The following RYR2 variants were observed in gnomAD, a reference collection of about 807,000 sequenced individuals.
RYR2 encodes ryanodine receptor 2.
In RYR2, 227 loss-of-function variants were observed where a neutral mutation model predicts 601.1. The ratio of observed to expected loss-of-function variants is 0.38; its 90% CI spans 0.34 to 0.42. RYR2 has a LOEUF of 0.42. Among genes scored for constraint, RYR2 ranks in the 10% least tolerant of loss-of-function variants. The probability of loss-of-function intolerance (pLI) is 1.00; values close to 1 mark genes in which losing one functional copy is unlikely to be tolerated. For missense variants in RYR2, 4,646 were observed against 6,156.5 expected, an observed-to-expected ratio of 0.75 and a Z score of 8.21; for synonymous variants, 2,223 against 2,175.1, an observed-to-expected ratio of 1.02 and a Z score of -0.61.
intron 17 of RYR2, among the ~76,000 whole-genome samples, chr1:237,476,983 C>T (rs1661478598): frequency 6.6e-6 from 1 of 152,142 alleles, no homozygotes. Flanking sequence ...TTTGCATAGC[C>T]CTTTAGGGTG....
chr1:237,314,709 G>A (rs1003923547), intron 2 of RYR2, among the ~76,000 whole-genome samples: 10 of 152,178 alleles, frequency 6.6e-5, no homozygotes, highest in African/African-American at 9.7e-5. Context: ...CCTGAAGTCC[G>A]TGATATATTA....
At chr1:237,707,490 A>G (rs945848516) in intron 68 of RYR2, among the ~76,000 whole-genome samples, 5 of 152,198 alleles carry the variant, frequency 3.3e-5, no homozygotes, top group African/African-American at 1.2e-4. Context: ...TGACTTGTCA[A>G]TCTCTGTAAG....
chr1:237,287,740 C>T (rs1691720389), intron 2 of RYR2, among the ~76,000 whole-genome samples: 2 of 152,136 alleles, frequency 1.3e-5, no homozygotes, highest in Non-Finnish European at 2.9e-5. Flanking sequence ...TATTTCCTTG[C>T]ACGGGGCTTT....
chr1:237,304,577 T>C (rs892967545), intron 2 of RYR2, among the ~76,000 whole-genome samples: 1 of 152,224 alleles, frequency 6.6e-6, no homozygotes, highest in Non-Finnish European at 1.5e-5. Flanking sequence ...CAAGCTATTA[T>C]GCCATCTTCC....
chr1:237,109,673 T>C (rs1223384914), intron 1 of RYR2, among the ~76,000 whole-genome samples: 1 of 151,740 alleles, frequency 6.6e-6, no homozygotes, highest in Non-Finnish European at 1.5e-5. Context: ...TTAAAAAATA[T>C]TTGCTGACAC....
intron 51 of RYR2, 130 bp from the exon 52 acceptor site, chr1:237,654,144 A>G (rs1268916307): frequency 9.6e-7 from 1 of 1,036,448 alleles, no homozygotes; most frequent in East Asian, 2.5e-5. Context: ...AAGATAATTT[A>G]TATGGGATTG....
chr1:237,628,753 C>T (rs1485712605), intron 41 of RYR2, among the ~76,000 whole-genome samples: 1 of 151,478 alleles, frequency 6.6e-6, no homozygotes, highest in Non-Finnish European at 1.5e-5. Flanking sequence ...ACAGTAAAAA[C>T]ACATTGATCC....
rs116035709 is a variant in RYR2, at chr1:237,159,629, A to G, written c.49-110868A>G. 6.1e-3 allele frequency among the ~76,000 whole-genome samples: 932 copies of G among 152,284 alleles called. 7 individuals carry two copies. The highest frequency in any genetic ancestry group is 0.033 in the South Asian group (158 of 4,820). Reference sequence around the variant, plus strand: ...GAGGATTGCTTGAGCTCAGGAATTCAAGACCAACCTGGACAACAAAGTGTG... The same window carrying G: ...GAGGATTGCTTGAGCTCAGGAATTCGAGACCAACCTGGACAACAAAGTGTG... On this transcript the variant is annotated intron_variant, in intron 1 of 104. Transcript: ENST00000366574.
chr1:237,328,005 C>G (rs1482633478), intron 2 of RYR2, among the ~76,000 whole-genome samples: 2 of 152,182 alleles, frequency 1.3e-5, no homozygotes, highest in African/African-American at 4.8e-5. Flanking sequence ...TAATGGCACG[C>G]TGGAAACAGC....
intron 4 of RYR2, among the ~76,000 whole-genome samples, chr1:237,357,363 G>A (rs1022477658): frequency 6.6e-6 from 1 of 152,040 alleles, no homozygotes; most frequent in South Asian, 2.1e-4. Flanking sequence ...CCTAATATCA[G>A]CATCCTACAA....
intron 67 of RYR2, 51 bp downstream of exon 67, chr1:237,705,394 A>T: frequency 6.8e-7 from 1 of 1,462,674 alleles, no homozygotes; most frequent in Non-Finnish European, 9.4e-7. Context: ...AAAACTTGAT[A>T]TTTATCATAT....
chr1:237,773,247 T>C (rs984714704), intron 86 of RYR2, among the ~76,000 whole-genome samples: 2 of 152,204 alleles, frequency 1.3e-5, no homozygotes, highest in African/African-American at 4.8e-5. Context: ...AATTCTTATG[T>C]TTGTGAAGTT....
chr1:237,290,235 A>AG (rs1160507239), intron 2 of RYR2, among the ~76,000 whole-genome samples: 4 of 152,252 alleles, frequency 2.6e-5, no homozygotes, highest in African/African-American at 4.8e-5. Flanking sequence ...AAAATCTTTA[A>AG]GGAAAGTGAC....
chr1:237,222,327 G>T (rs1387755662), intron 1 of RYR2, among the ~76,000 whole-genome samples: 1 of 151,664 alleles, frequency 6.6e-6, no homozygotes, highest in African/African-American at 2.4e-5. Context: ...GCAGGAGAAT[G>T]GCGTGAACCT....
At chr1:237,236,021 C>T (rs1428126966) in intron 1 of RYR2, among the ~76,000 whole-genome samples, 1 of 152,172 alleles carries the variant, frequency 6.6e-6, no homozygotes, top group African/African-American at 2.4e-5. Context: ...AATATGGTGC[C>T]TCTATGAGCA....
chr1:237,250,799 A>G (rs1382367964), intron 1 of RYR2, among the ~76,000 whole-genome samples: 1 of 152,070 alleles, frequency 6.6e-6, no homozygotes, highest in African/African-American at 2.4e-5. Flanking sequence ...TCTTTTCAGG[A>G]TTATTTCCAT....
chr1:237,328,320 A>G (rs1008426332), intron 2 of RYR2, among the ~76,000 whole-genome samples: 2 of 152,222 alleles, frequency 1.3e-5, no homozygotes, highest in Admixed American at 6.5e-5. Context: ...ACAGACTATA[A>G]TTAGTATGGT....
In RYR2 at chr1:237,382,497, C is replaced by G. The variant is rs149147683; in HGVS notation, c.577-4784C>G. On this transcript the variant is annotated intron_variant, in intron 8 of 104. Coordinates refer to ENST00000366574, the MANE Select transcript of RYR2 (RefSeq NM_001035.3). The stretch of plus-strand genomic sequence containing the variant: ...ACCCATTAACTTGTCATTTACATTA[C>G]GTATATCTCCTAATGTTATCCCTCC... 2.0e-3 allele frequency among the ~76,000 whole-genome samples: 299 copies of G among 151,242 alleles called. 1 individual carries two copies. Among genetic ancestry groups the G allele is most frequent in the African/African-American group, 5.6e-3 (231 of 41,190 alleles).
chr1:237,717,042 AG>A (rs1255787706), intron 71 of RYR2, among the ~76,000 whole-genome samples, 155 bp from the exon 72 acceptor site: 2 of 152,358 alleles, frequency 1.3e-5, no homozygotes, highest in Non-Finnish European at 2.9e-5. Flanking sequence ...GATACTAAGA[AG>A]GGAAGAGAAA....
Sources: gnomAD v4.1 joint callset for allele counts (sites outside exome capture counted in the v4.1 genomes callset) on GRCh38, gnomAD v4.1.1 for gene constraint, MANE v1.5 for transcripts, NCBI Gene and HGNC (gene_info 2026-07-23, HGNC 2026-07-21) for gene names.